Variants in PIGL observed in about 807,000 individuals in gnomAD.
The protein encoded by PIGL is phosphatidylinositol glycan anchor biosynthesis class L.
Under a neutral mutation model 31.1 loss-of-function variants are expected in PIGL, and 22 were observed. The ratio of observed to expected loss-of-function variants is 0.71; its 90% CI spans 0.51 to 1.01. PIGL has a LOEUF of 1.01. Ranked by LOEUF, PIGL falls within the 50% of genes least tolerant of loss-of-function variation. The pLI is 0.00. For synonymous variants in PIGL, 131 were observed against 117.4 expected, an observed-to-expected ratio of 1.12 and a Z score of -0.75; for missense variants, 302 against 315.9, an observed-to-expected ratio of 0.96 and a Z score of 0.33.
At chr17:16,271,556 G>A (rs560480988) in intron 2 of PIGL, among the ~76,000 whole-genome samples, 5 of 150,892 alleles carry the variant, frequency 3.3e-5, no homozygotes, top group Non-Finnish European at 5.9e-5. Flanking sequence ...TTTTGAGATG[G>A]AGTTTTGCTC....
At chr17:16,293,395 G>A (rs1216184951) in intron 2 of PIGL, among the ~76,000 whole-genome samples, 2 of 152,200 alleles carry the variant, frequency 1.3e-5, no homozygotes, top group African/African-American at 4.8e-5. Context: ...GGGTGTGGTG[G>A]CGGGCGCCTG....
chr17:16,235,752 CTT>C (rs35285920), intron 2 of PIGL, among the ~76,000 whole-genome samples: 188 of 111,516 alleles, frequency 1.7e-3, no homozygotes, highest in African/African-American at 5.8e-3. Context: ...TGTGTCCGGT[CTT>C]TTTTTTTTTT....
At chr17:16,272,816 T>C (rs562854916) in intron 2 of PIGL, among the ~76,000 whole-genome samples, 118 of 152,278 alleles carry the variant, frequency 7.7e-4, no homozygotes, top group African/African-American at 2.8e-3. Flanking sequence ...CTTACTTCCC[T>C]GGCCACTTGG....
chr17:16,277,712 A>G (rs1350885327), intron 2 of PIGL, among the ~76,000 whole-genome samples: 1 of 152,216 alleles, frequency 6.6e-6, no homozygotes, highest in Non-Finnish European at 1.5e-5. Context: ...TTATAAAACC[A>G]CCTTCTAAAG....
chr17:16,245,960 C>CA (rs1263102452), intron 2 of PIGL, among the ~76,000 whole-genome samples: 2 of 151,228 alleles, frequency 1.3e-5, no homozygotes, highest in Admixed American at 6.6e-5. Flanking sequence ...GCTGGGACTA[C>CA]AGGCACCCGC....
At chr17:16,266,490 G>A (rs2142759891) in intron 2 of PIGL, among the ~76,000 whole-genome samples, 1 of 151,656 alleles carries the variant, frequency 6.6e-6, no homozygotes, top group East Asian at 1.9e-4. Flanking sequence ...TCATATCTAT[G>A]AATTGAGTGA....
chr17:16,293,907 G>T (rs1310395732), intron 2 of PIGL, among the ~76,000 whole-genome samples: 2 of 152,152 alleles, frequency 1.3e-5, no homozygotes, highest in Non-Finnish European at 2.9e-5. Context: ...GTTCAGTGAA[G>T]GTTTCTAAAT....
chr17:16,226,003 G>GA (rs59842953), intron 1 of PIGL, among the ~76,000 whole-genome samples: 1,415 of 129,406 alleles, frequency 0.011, 15 homozygotes, highest in East Asian at 0.055. Context: ...GCCAGACCAG[G>GA]AAAAAAAAAA....
chr17:16,300,073 T>A, intron 3 of PIGL, 95 bp downstream of exon 3: 1 of 879,356 alleles, frequency 1.1e-6, no homozygotes, highest in Non-Finnish European at 1.9e-6. Flanking sequence ...CCCTCCCACT[T>A]CCAGTCCTTC....
rs561608851 is a variant in PIGL at position 16,282,766 on chromosome 17, G to A, written c.336-17122G>A. 2.6e-5 allele frequency among the ~76,000 whole-genome samples: 4 copies of A among 152,316 alleles called. No homozygotes were observed. In the South Asian group the frequency reaches 8.3e-4, roughly 32 times the overall value. On this transcript the variant is annotated intron_variant, in intron 2 of 6. Transcript: ENST00000225609. ...ATGCAGCTCATACATATATCCTGAT[G>A]TGATGTTGGCACCTCTCAAGAAGCT...
In PIGL at chr17:16,321,724, T is replaced by C. The variant is rs530532317; in HGVS notation, c.660+3816T>C. ...TTATTCTTTTCCTTCCTTCCTTCCT[T>C]CCTCCCTCCCTCCCTCTTTCTGTCT... On this transcript the variant is annotated intron_variant, in intron 6 of 6. Transcript: ENST00000225609. 2.6e-4 allele frequency among the ~76,000 whole-genome samples: 39 copies of C among 152,092 alleles called. No individual in the cohort carries two copies. The East Asian group carries it at 3.9e-3, about 15-fold the overall frequency.
chr17:16,315,714 T>TC, intron 4 of PIGL, among the ~76,000 whole-genome samples: 1 of 116,408 alleles, frequency 8.6e-6, no homozygotes, highest in African/African-American at 3.4e-5. Context: ...CTTTCTTTTT[T>TC]TTTTTTTTTT....
At chr17:16,282,107 A>G (rs1313300249) in intron 2 of PIGL, 1 of 498,020 alleles carries the variant, frequency 2.0e-6, no homozygotes. Flanking sequence ...AATTCACCCT[A>G]CAGAAGCTAT....
chr17:16,303,471 A>T (rs2093013370), intron 3 of PIGL, among the ~76,000 whole-genome samples: 1 of 151,936 alleles, frequency 6.6e-6, no homozygotes, highest in Non-Finnish European at 1.5e-5. Context: ...TTGTCAAGAG[A>T]ATCTTCAATT....
At chr17:16,316,819 G>A (rs1475408144) in intron 5 of PIGL, 107 bp downstream of exon 5, 8 of 1,552,614 alleles carry the variant, frequency 5.2e-6, no homozygotes, top group Admixed American at 1.8e-5. Flanking sequence ...CCGAGCAGAG[G>A]CAGTGGTTGG....
At chr17:16,220,177 G>A (rs971615738) in intron 1 of PIGL, among the ~76,000 whole-genome samples, 16 of 151,922 alleles carry the variant, frequency 1.1e-4, no homozygotes, top group African/African-American at 3.4e-4. Flanking sequence ...TTGAAACCCC[G>A]TCTCTCCTAC....
chr17:16,317,598 G>C, intron 5 of PIGL, 177 bp from the exon 6 acceptor site: 1 of 1,413,194 alleles, frequency 7.1e-7, no homozygotes, highest in Non-Finnish European at 9.2e-7. Flanking sequence ...CCTTTTACTC[G>C]TTCTAGCTGC....
chr17:16,222,328 G>A (rs2092633160), intron 1 of PIGL, among the ~76,000 whole-genome samples: 1 of 151,820 alleles, frequency 6.6e-6, no homozygotes, highest in South Asian at 2.1e-4. Context: ...GAAGCAAGCA[G>A]TAGTAAAGGC....
chr17:16,324,366 C>G (rs1420022961), intron 6 of PIGL: 1 of 151,352 alleles, frequency 6.6e-6, no homozygotes, highest in Admixed American at 6.6e-5. Context: ...GAGTCTCGCT[C>G]TGTCACCAGG....
Sources: allele counts gnomAD v4.1 joint callset (sites outside exome capture counted in the v4.1 genomes callset), GRCh38; gene constraint gnomAD v4.1.1; transcripts MANE v1.5; gene names NCBI Gene and HGNC (gene_info 2026-07-23, HGNC 2026-07-21).